The following FANCD2 variants were observed in gnomAD, a reference collection of about 807,000 sequenced individuals.
The protein encoded by FANCD2 is FA complementation group D2.
FANCD2 carries 131 observed loss-of-function variants against 192.3 expected under a neutral mutation model. That is an observed-to-expected ratio of 0.68 (90% CI 0.59 to 0.79). The LOEUF (loss-of-function observed/expected upper bound fraction) is 0.79, where lower values mean the gene tolerates loss of function less well. Ranked by LOEUF, FANCD2 falls within the 30% of genes least tolerant of loss-of-function variation. The pLI, the probability that FANCD2 is intolerant of heterozygous loss-of-function variation, is 0.00. For missense variants in FANCD2, 1,508 were observed against 1,701.6 expected (o/e 0.89, Z 2.00); for synonymous variants, 524 against 612.5 (o/e 0.86, Z 2.13).
intron 18 of FANCD2, among the ~76,000 whole-genome samples, chr3:10,059,324 G>A (rs2087498049): frequency 6.6e-6 from 1 of 152,048 alleles, no homozygotes; most frequent in Admixed American, 6.6e-5. Context: ...TTGCCTCCAT[G>A]TTTAAATCTT....
intron 18 of FANCD2, among the ~76,000 whole-genome samples, chr3:10,054,471 ATATTTTTTTTTTT>A (rs1424607088): frequency 6.0e-5 from 1 of 16,666 alleles, no homozygotes; most frequent in Admixed American, 1.0e-3. Context: ...ATATATATAT[ATATTTTTTTTTTT>A]TTTTTTTTTT....
intron 9 of FANCD2, chr3:10,040,184 G>T: frequency 2.7e-6 from 1 of 367,038 alleles, no homozygotes; most frequent in Non-Finnish European, 5.1e-6. Flanking sequence ...AGAGGCACCT[G>T]CTACCATGCC....
chr3:10,046,405 A>C, intron 14 of FANCD2, 175 bp from the exon 15 acceptor site: 1 of 1,074,698 alleles, frequency 9.3e-7, no homozygotes, highest in Non-Finnish European at 1.3e-6. Flanking sequence ...CACTTTATTT[A>C]TCTGAAAAAT....
chr3:10,073,430 A>G lies in FANCD2; in HGVS notation c.2715+68A>G, dbSNP rs1693362130. On this transcript the variant is annotated intron_variant, in intron 28 of 43. Coordinates refer to ENST00000675286, the MANE Select transcript of FANCD2 (RefSeq NM_001018115.3). Reference sequence around the variant, plus strand: ...GTGAGATTAACAGAAACCCAGCTTTATTCTCGGCATTTTACAAAGAAAAAA... The same window carrying G: ...GTGAGATTAACAGAAACCCAGCTTTGTTCTCGGCATTTTACAAAGAAAAAA... The G allele has an allele frequency of 1.5e-5, 18 of 1,208,280 alleles. No homozygotes were observed. The East Asian group carries it at 4.2e-4, about 28-fold the overall frequency. 74.8% of individuals were successfully genotyped at this position (1,208,280 alleles called of 1,614,324 possible). A position where few individuals can be genotyped will look rare whatever the true frequency, so the allele number is the denominator to read the frequency against.
Position 10,087,282 on chromosome 3 carries a change from T to A in FANCD2, c.3466+18T>A. The A allele has an allele frequency of 5.1e-6, 1 of 195,878 alleles. No homozygotes were observed. Among genetic ancestry groups the A allele is most frequent in the East Asian group, 2.0e-4 (1 of 4,952 alleles). 12.1% of individuals were successfully genotyped at this position (195,878 alleles called of 1,614,324 possible). ...AAAAATTGGTGATGGGCCTAGATCC[T>A]TTTTTTTTTTTTTTTTTTAATGAAT... On this transcript the variant is annotated intron_variant, in intron 34 of 43. Transcript: ENST00000675286.
At chr3:10,035,275 T>A (rs750939264) in intron 6 of FANCD2, 42 bp downstream of exon 6, 1 of 1,547,834 alleles carries the variant, frequency 6.5e-7, no homozygotes, top group Non-Finnish European at 8.9e-7. Flanking sequence ...ATGGAAGAGG[T>A]TTGTGGTGTA....
At chr3:10,057,348 T>G (rs747139694) in intron 18 of FANCD2, among the ~76,000 whole-genome samples, 7 of 151,884 alleles carry the variant, frequency 4.6e-5, no homozygotes, top group Non-Finnish European at 8.8e-5. Context: ...TATCTATTTC[T>G]TTTTCTTTTT....
chr3:10,046,641 T>C lies in FANCD2; in HGVS notation c.1196T>C (p.Ile399Thr), dbSNP rs2087020433. 2 of 1,614,158 alleles carry C rather than the reference T, an allele frequency of 1.2e-6. No individual in the cohort carries two copies. Among genetic ancestry groups the C allele is most frequent in the African/African-American group, 2.7e-5 (2 of 74,968 alleles). Residue 399 changes from isoleucine to threonine, a missense_variant, in exon 15 of 44, where the codon ATT (isoleucine) becomes ACT (threonine). By Grantham distance (89) the Ile-to-Thr change is moderately conservative. Around this residue, in one of 5 missense-constraint regions of FANCD2, gnomAD observed 108 missense variants for 174.1 expected, o/e 0.62. Transcript: ENST00000675286. ...YSTNTQTKKY[I>T]DRVLRNKIRS... The stretch of plus-strand genomic sequence containing the variant: ...ACCAATACTCAGACAAAGAAGTACA[T>C]TGACAGGGTGCTAAGAAATAAGATT...
At chr3:10,055,472 G>A (rs969249088) in intron 18 of FANCD2, among the ~76,000 whole-genome samples, 2 of 152,102 alleles carry the variant, frequency 1.3e-5, no homozygotes, top group Admixed American at 1.3e-4. Context: ...CAAGGTTCAT[G>A]TAGGTTGTAG....
At chr3:10,079,359 C>T (rs898952210) in intron 30 of FANCD2, among the ~76,000 whole-genome samples, 4 of 152,106 alleles carry the variant, frequency 2.6e-5, no homozygotes, top group Admixed American at 1.3e-4. Context: ...GGCTGGAGTG[C>T]AGTGGTGCAA....
At position 10,043,549 on chromosome 3, in the gene FANCD2, C is replaced by T; in HGVS notation, c.1055C>T (p.Ser352Leu). 6.2e-7 allele frequency: 1 copy of T among 1,613,786 alleles called. No individual in the cohort carries two copies. The highest frequency in any genetic ancestry group is 8.5e-7 in the Non-Finnish European group (1 of 1,179,728). ...ATTCTCCTCTTTGATGTAATAAAGT[C>T]AGCTATTAGATATGAGAAAACCATT... ...CIILLFDVIK[S>L]AIRYEKTISE... The change falls in exon 13 of 44, where the codon TCA becomes TTA. Residue 352 changes from serine (S) to leucine (L), a missense_variant. Transcript: ENST00000675286.
chr3:10,078,094 T>G lies in FANCD2; in HGVS notation c.2873T>G (p.Val958Gly), dbSNP rs774165755. Residue 958 changes from valine (V) to glycine (G), a missense_variant, in exon 30 of 44, where the codon GTG becomes GGG. By Grantham distance (109) the Val-to-Gly change is moderately radical. Coordinates refer to ENST00000675286, the MANE Select transcript of FANCD2 (RefSeq NM_001018115.3). The stretch of plus-strand genomic sequence containing the variant: ...TCCATGTGACAGGCTACAGAAGTTG[T>G]GCAACTTGGGCCCCCTGAGCTGCTT... ...TEMHTEATEV[V>G]QLGPPELLFL... The G allele has an allele frequency of 3.1e-6, 5 of 1,612,386 alleles. No homozygotes were observed. The highest frequency in any genetic ancestry group is 4.2e-6 in the Non-Finnish European group (5 of 1,178,666).
At chr3:10,029,306 C>G (rs933257532) in intron 2 of FANCD2, among the ~76,000 whole-genome samples, 1 of 152,090 alleles carries the variant, frequency 6.6e-6, no homozygotes, top group African/African-American at 2.4e-5. Context: ...TCAAGACCAG[C>G]CTGGGTAACA....
rs764903036 is a variant in FANCD2 at position 10,074,555 on chromosome 3, C to T, written c.2741C>T (p.Thr914Ile). The T allele has an allele frequency of 4.2e-5, 67 of 1,613,714 alleles. No individual in the cohort carries two copies. Among genetic ancestry groups the T allele is most frequent in the Middle Eastern group, 1.7e-4 (1 of 6,058 alleles). ...NKEFTGKEEK[T>I]SLLLHNSHAF... ...GAGTTCACAGGGAAGGAAGAAAAGA[C>T]ATCATTGTTACTACATAATTCCCAT... The change falls in exon 29 of 44, where the codon ACA (threonine) becomes ATA (isoleucine). Residue 914 changes from threonine (T) to isoleucine (I), a missense_variant. Transcript: ENST00000675286.
intron 11 of FANCD2, among the ~76,000 whole-genome samples, 175 bp downstream of exon 11, chr3:10,042,838 T>C (rs1198717328): frequency 6.6e-6 from 1 of 152,234 alleles, no homozygotes; most frequent in Non-Finnish European, 1.5e-5. Context: ...CATTTACTCT[T>C]CCTGTGTAGT....
intron 26 of FANCD2, among the ~76,000 whole-genome samples, chr3:10,068,009 T>G (rs2087768396): frequency 6.6e-6 from 1 of 152,150 alleles, no homozygotes; most frequent in Admixed American, 6.5e-5. Context: ...AAACTGGGTA[T>G]AGATCCATAG....
intron 12 of FANCD2, 48 bp downstream of exon 12, chr3:10,043,198 A>C: frequency 1.4e-6 from 2 of 1,380,302 alleles, no homozygotes; most frequent in Non-Finnish European, 2.1e-6. Context: ...CTGACATCCC[A>C]CTGTCAGAGT....
rs371890961 is a variant in FANCD2 at position 10,031,406 on chromosome 3, G to A, written c.65-1426G>A. On this transcript the variant is annotated intron_variant, in intron 2 of 43. Transcript: ENST00000675286. ...TAGTCCCAGCTACTGGGAGGCTGAG[G>A]CAGGAGAATGGCATGAACCCGGGAG... 9.9e-5 allele frequency among the ~76,000 whole-genome samples: 15 copies of A among 151,918 alleles called. No individual in the cohort carries two copies. The South Asian group carries it at 1.0e-3, about 11-fold the overall frequency.
rs758190656 is a variant in FANCD2, at chr3:10,074,562, G to T, written c.2748G>T (p.Leu916Phe). The T allele has an allele frequency of 2.5e-6, 4 of 1,613,626 alleles. No individual in the cohort carries two copies. The highest frequency in any genetic ancestry group is 2.7e-5 in the African/African-American group (2 of 74,890). Residue 916 changes from leucine to phenylalanine, a missense_variant, in exon 29 of 44, where the codon TTG becomes TTT. Physicochemically the swap from Leu to Phe is conservative, Grantham distance 22. This residue lies in a region of FANCD2 where 796 missense variants were observed against 879.4 expected (regional missense o/e 0.91). Coordinates refer to ENST00000675286, the MANE Select transcript of FANCD2 (RefSeq NM_001018115.3). Reference sequence around the variant, plus strand: ...CAGGGAAGGAAGAAAAGACATCATTGTTACTACATAATTCCCATGCTTTTT... The same window carrying T: ...CAGGGAAGGAAGAAAAGACATCATTTTTACTACATAATTCCCATGCTTTTT... ...EFTGKEEKTS[L>F]LLHNSHAFFR... is the part of the protein sequence containing the mutation.
Sources: gnomAD v4.1 joint callset for allele counts (sites outside exome capture counted in the v4.1 genomes callset) on GRCh38, gnomAD v4.1.1 for gene constraint, gnomAD v4.1.1 regional missense constraint, MANE v1.5 for transcripts, NCBI Gene and HGNC (gene_info 2026-07-23, HGNC 2026-07-21) for gene names.